TUNAR: variants seen among roughly 807,000 people sequenced by gnomAD.
The protein encoded by TUNAR is transmembrane neural differentiation associated intracellular calcium regulator.
chr14:95,913,621 C>T (rs2139669720), intron 2 of TUNAR, among the ~76,000 whole-genome samples: 1 of 152,290 alleles, frequency 6.6e-6, no homozygotes, highest in Non-Finnish European at 1.5e-5. Flanking sequence ...AAGAGGAAAC[C>T]TCACCAGCAA....
chr14:95,892,243 A>G (rs1368488525), intron 2 of TUNAR, among the ~76,000 whole-genome samples: 1 of 152,092 alleles, frequency 6.6e-6, no homozygotes, highest in Non-Finnish European at 1.5e-5. Flanking sequence ...GTTCTCCTCA[A>G]TCCCCTGCTC....
chr14:95,886,037 C>T (rs572697431), intron 2 of TUNAR, among the ~76,000 whole-genome samples: 73 of 152,340 alleles, frequency 4.8e-4, no homozygotes, highest in African/African-American at 1.7e-3. Flanking sequence ...GCTGCCCAGC[C>T]ATCGTGGACT....
At chr14:95,880,494 T>C (rs989073255) in intron 2 of TUNAR, among the ~76,000 whole-genome samples, 2 of 152,188 alleles carry the variant, frequency 1.3e-5, no homozygotes, top group Admixed American at 1.3e-4. Context: ...AGGATCCATG[T>C]GGCAGAAGAT....
At chr14:95,889,436 C>A (rs1326523249) in intron 2 of TUNAR, among the ~76,000 whole-genome samples, 1 of 151,588 alleles carries the variant, frequency 6.6e-6, no homozygotes, top group Non-Finnish European at 1.5e-5. Context: ...CTTGCCCTTC[C>A]ACCTCCACCC....
intron 2 of TUNAR, among the ~76,000 whole-genome samples, chr14:95,883,395 A>AC (rs1246528679): frequency 1.3e-5 from 2 of 151,662 alleles, no homozygotes; most frequent in Admixed American, 6.6e-5. Flanking sequence ...ACTAGGATCC[A>AC]CCCCCCCAAC....
chr14:95,879,464 G>A (rs908618597), intron 2 of TUNAR, among the ~76,000 whole-genome samples: 1 of 152,160 alleles, frequency 6.6e-6, no homozygotes, highest in Non-Finnish European at 1.5e-5. Context: ...TGAATGCAGA[G>A]AAACAATCTT....
At chr14:95,876,747 G>C (rs1888886226) in intron 1 of TUNAR, 85 bp from the exon 1 acceptor site, 1 of 152,306 alleles carries the variant, frequency 6.6e-6, no homozygotes, top group South Asian at 2.1e-4. Context: ...GCGGGGAGCA[G>C]ACGCGCCGTG....
chr14:95,924,592 G>A (rs989482102), exon 3 of TUNAR: 1 of 152,372 alleles, frequency 6.6e-6, no homozygotes, highest in Non-Finnish European at 1.5e-5. Context: ...TCACAATTAC[G>A]GTGGAAGGTG....
chr14:95,912,951 T>C (rs957151672), intron 2 of TUNAR, among the ~76,000 whole-genome samples: 1 of 152,002 alleles, frequency 6.6e-6, no homozygotes, highest in Non-Finnish European at 1.5e-5. Flanking sequence ...CCGCCACACC[T>C]GGCTAATTCT....
chr14:95,921,825 A>G (rs1349568046), intron 2 of TUNAR, among the ~76,000 whole-genome samples: 1 of 152,188 alleles, frequency 6.6e-6, no homozygotes, highest in Non-Finnish European at 1.5e-5. Context: ...TTTATAAATC[A>G]AATTGTACTG....
chr14:95,900,279 G>A (rs1889330967), intron 2 of TUNAR, among the ~76,000 whole-genome samples: 1 of 152,236 alleles, frequency 6.6e-6, no homozygotes, highest in African/African-American at 2.4e-5. Context: ...TGAGGCGAAG[G>A]GAAGGCTGCG....
At position 95,909,716 on chromosome 14, in the gene TUNAR, G is replaced by C. The variant is rs563594944; in HGVS notation, c.13-13065G>C. Among the ~76,000 whole-genome samples the C allele has an allele frequency of 3.1e-4, 47 of 152,288 alleles. 1 individual carries two copies. The highest frequency in any genetic ancestry group is 2.7e-3 in the South Asian group (13 of 4,806). On this transcript the variant is annotated intron_variant, in intron 2 of 2. Coordinates refer to ENST00000678517, the Ensembl canonical transcript of TUNAR. ...GTACTGAACACTGCGGCTGCCCCAG[G>C]CCAGGCTCAGGGGCCAGAGGACATG...
intron 2 of TUNAR, among the ~76,000 whole-genome samples, chr14:95,900,508 C>T (rs1331585471): frequency 3.3e-5 from 5 of 152,194 alleles, no homozygotes; most frequent in African/African-American, 9.7e-5. Flanking sequence ...GGGCTGCTGG[C>T]CCCAGTTGGT....
In TUNAR at chr14:95,887,057, A is replaced by G. The variant is rs915871870; in HGVS notation, c.12+9880A>G. On this transcript the variant is annotated intron_variant, in intron 2 of 2. Transcript: ENST00000678517. ...AGAGCAGATTAGAATGGTTGTCAGG[A>G]TCTGGGCATGGAAATCGATGGGGCT... 5.3e-5 allele frequency among the ~76,000 whole-genome samples: 8 copies of G among 152,160 alleles called. No homozygotes were observed. In the East Asian group the frequency reaches 1.3e-3, roughly 26 times the overall value.
chr14:95,890,251 T>C (rs889043531), intron 2 of TUNAR, among the ~76,000 whole-genome samples: 1 of 152,254 alleles, frequency 6.6e-6, no homozygotes, highest in African/African-American at 2.4e-5. Flanking sequence ...GATGTTTTCC[T>C]TCCTCTCTGT....
chr14:95,882,582 G>A (rs1595114199), intron 2 of TUNAR, among the ~76,000 whole-genome samples: 1 of 152,174 alleles, frequency 6.6e-6, no homozygotes, highest in African/African-American at 2.4e-5. Flanking sequence ...TAGGCTAAAT[G>A]CCTTGGCAGA....
exon 3 of TUNAR, chr14:95,923,108 A>G (rs2139675166): frequency 5.0e-6 from 2 of 396,682 alleles, no homozygotes; most frequent in Non-Finnish European, 8.9e-6. Flanking sequence ...CAAACTTTAC[A>G]AAAGGTCACA....
At chr14:95,891,097 C>T (rs368634163) in intron 2 of TUNAR, among the ~76,000 whole-genome samples, 12 of 152,226 alleles carry the variant, frequency 7.9e-5, no homozygotes, top group East Asian at 5.8e-4. Flanking sequence ...ACGTGGAGGT[C>T]GAACTAACAT....
intron 2 of TUNAR, among the ~76,000 whole-genome samples, chr14:95,900,352 G>A (rs1290786135): frequency 1.3e-5 from 2 of 152,180 alleles, no homozygotes; most frequent in East Asian, 1.9e-4. Context: ...AATTGTGCTC[G>A]GGGGAACTGA....
Sources: gnomAD v4.1 joint callset for allele counts (sites outside exome capture counted in the v4.1 genomes callset) on GRCh38, gnomAD v4.1.1 for gene constraint, MANE v1.5 for transcripts, NCBI Gene and HGNC (gene_info 2026-07-23, HGNC 2026-07-21) for gene names.